Variants in IMPG2 observed in about 807,000 individuals in gnomAD.
IMPG2 encodes the protein interphotoreceptor matrix proteoglycan 2.
A neutral mutation model predicts 129.2 loss-of-function variants in IMPG2; 91 were observed. That is an observed-to-expected ratio of 0.70 (90% CI 0.59 to 0.84). The LOEUF is 0.84. Ranked by LOEUF, IMPG2 falls within the 40% of genes least tolerant of loss-of-function variation. The probability of loss-of-function intolerance (pLI) is 0.00; values close to 1 mark genes in which losing one functional copy is unlikely to be tolerated. For synonymous variants in IMPG2, 510 were observed against 517.7 expected, an observed-to-expected ratio of 0.99 and a Z score of 0.20; for missense variants, 1,430 against 1,461.7, an observed-to-expected ratio of 0.98 and a Z score of 0.35.
chr3:101,253,396 A>C (rs1706565295), intron 11 of IMPG2, among the ~76,000 whole-genome samples: 1 of 152,132 alleles, frequency 6.6e-6, no homozygotes, highest in Non-Finnish European at 1.5e-5. Context: ...CTCAGAGAAC[A>C]ATCAGTGGGC....
In IMPG2 at chr3:101,243,702, T is replaced by A. The variant is rs1271049751; in HGVS notation, c.2629A>T (p.Met877Leu). The change falls in exon 13 of 19, where the codon ATG (methionine) becomes TTG (leucine). Residue 877 changes from methionine (M) to leucine (L), a missense_variant. Physicochemically the swap from Met to Leu is conservative, Grantham distance 15 (BLOSUM62 2). Coordinates refer to ENST00000193391, the MANE Select transcript of IMPG2 (RefSeq NM_016247.4). The part of the protein sequence containing the change: ...EMSTSVHSTE[M>L]VSVAWPTEGG... ...TCTGTGGGCCAAGCCACACTAACCA[T>A]CTCTGTGGAGTGAACACTTGTTGAC... The A allele has an allele frequency of 2.5e-6, 4 of 1,613,968 alleles. No homozygotes were observed. The highest frequency in any genetic ancestry group is 2.5e-6 in the Non-Finnish European group (3 of 1,180,010).
chr3:101,311,961 A>G (rs1707266697), intron 2 of IMPG2, among the ~76,000 whole-genome samples: 1 of 152,144 alleles, frequency 6.6e-6, no homozygotes, highest in Non-Finnish European at 1.5e-5. Flanking sequence ...CTTTTCGACA[A>G]ATGGTGCTTG....
At chr3:101,240,282 T>A (rs1416161644) in intron 14 of IMPG2, among the ~76,000 whole-genome samples, 2 of 152,030 alleles carry the variant, frequency 1.3e-5, no homozygotes, top group African/African-American at 4.8e-5. Context: ...AGTGCCCAGC[T>A]AATTTTTCAG....
At chr3:101,284,870 A>G (rs1706928760) in intron 4 of IMPG2, among the ~76,000 whole-genome samples, 1 of 152,156 alleles carries the variant, frequency 6.6e-6, no homozygotes, top group Non-Finnish European at 1.5e-5. Flanking sequence ...TTTTAAAGAA[A>G]CAAAACTGTA....
chr3:101,278,231 C>T (rs993372748), intron 4 of IMPG2, among the ~76,000 whole-genome samples: 1 of 152,086 alleles, frequency 6.6e-6, no homozygotes, highest in Non-Finnish European at 1.5e-5. Context: ...GAAGACTCTG[C>T]CTCTAAATAA....
chr3:101,245,975 T>G lies in IMPG2; in HGVS notation c.1370A>C (p.Asp457Ala). ...GGCTAATTTGTGTGTAGACACTAAA[T>G]CACCCAAAGGACTTTCTGACCAGAG... ...RELWSESPLG[D>A]LVSTHKLAFP... The change falls in exon 12 of 19, where the codon GAT becomes GCT. Residue 457 changes from aspartate to alanine, a missense_variant. Transcript: ENST00000193391. 6.2e-7 allele frequency: 1 copy of G among 1,614,178 alleles called. No homozygotes were observed. Among genetic ancestry groups the G allele is most frequent in the Non-Finnish European group, 8.5e-7 (1 of 1,180,018 alleles).
intron 11 of IMPG2, among the ~76,000 whole-genome samples, chr3:101,250,763 C>A (rs1706534748): frequency 6.6e-6 from 1 of 152,164 alleles, no homozygotes; most frequent in East Asian, 1.9e-4. Flanking sequence ...GTTTATAAGA[C>A]CCAGGTCAAC....
In IMPG2 at chr3:101,232,829, A is replaced by G. The variant is rs756822911; in HGVS notation, c.3185T>C (p.Leu1062Ser). Residue 1062 changes from leucine to serine, a missense_variant, in exon 15 of 19, where the codon TTG becomes TCG. By Grantham distance (145) the Leu-to-Ser change is moderately radical. Transcript: ENST00000193391. ...SLCDLQPDFCLNDGKCDIMPG... is the reference protein window; with the variant it reads ...SLCDLQPDFCSNDGKCDIMPG... ...CATAATGTCACACTTTCCATCATTC[A>G]AGCAGAAGTCAGGCTGTAGGTCACA... 6 of 1,613,616 alleles carry G rather than the reference A, an allele frequency of 3.7e-6. No homozygotes were observed. In the Admixed American group the frequency reaches 8.3e-5, roughly 22 times the overall value.
chr3:101,262,461 T>C (rs889345562), intron 9 of IMPG2, among the ~76,000 whole-genome samples: 1 of 152,034 alleles, frequency 6.6e-6, no homozygotes, highest in Non-Finnish European at 1.5e-5. Flanking sequence ...AAGTTACAAA[T>C]AAATTTTATC....
At chr3:101,319,922 T>A in intron 1 of IMPG2, 90 bp from the exon 2 acceptor site, 2 of 1,391,952 alleles carry the variant, frequency 1.4e-6, no homozygotes, top group Non-Finnish European at 2.0e-6. Flanking sequence ...TGGGCTACAT[T>A]AAGATAGAGA....
intron 2 of IMPG2, among the ~76,000 whole-genome samples, chr3:101,304,912 G>A (rs1321561138): frequency 1.3e-5 from 2 of 150,262 alleles, no homozygotes; most frequent in East Asian, 1.9e-4. Flanking sequence ...GAAGCAGAAA[G>A]TACTACATAA....
chr3:101,245,955 A>T lies in IMPG2; in HGVS notation c.1390T>A (p.Leu464Ile). 1 of 1,614,184 alleles carries T rather than the reference A, an allele frequency of 6.2e-7. No individual in the cohort carries two copies. Among genetic ancestry groups the T allele is most frequent in the Non-Finnish European group, 8.5e-7 (1 of 1,180,026 alleles). ...AGGCCCATCTTCGAGGGAAAGGCTA[A>T]TTTGTGTGTAGACACTAAATCACCC... ...PLGDLVSTHK[L>I]AFPSKMGLSS... Residue 464 changes from leucine (L) to isoleucine (I), a missense_variant, in exon 12 of 19, where the codon TTA (leucine) becomes ATA (isoleucine). Physicochemically the swap from Leu to Ile is conservative, Grantham distance 5. Coordinates refer to ENST00000193391, the MANE Select transcript of IMPG2 (RefSeq NM_016247.4).
chr3:101,287,374 G>A (rs1396564439), intron 4 of IMPG2, among the ~76,000 whole-genome samples: 1 of 152,016 alleles, frequency 6.6e-6, no homozygotes, highest in Non-Finnish European at 1.5e-5. Flanking sequence ...ATTCTTCACA[G>A]AATTAGAAAA....
chr3:101,319,373 T>A (rs560444028), intron 2 of IMPG2, among the ~76,000 whole-genome samples: 1 of 152,274 alleles, frequency 6.6e-6, no homozygotes, highest in East Asian at 1.9e-4. Context: ...TTGCCTTAAC[T>A]GGAGGGCACT....
chr3:101,317,691 C>T (rs1295919578), intron 2 of IMPG2, among the ~76,000 whole-genome samples: 3 of 152,124 alleles, frequency 2.0e-5, no homozygotes, highest in Non-Finnish European at 2.9e-5. Context: ...ACCATCTTAG[C>T]TGTATGAGAT....
rs369037672 is a variant in IMPG2 at position 101,237,799 on chromosome 3, G to A, written c.3023-4808C>T. ...CAAAAAGGCTGAAAATTCCAAAAAC[G>A]AGAATGCCTCTTCTTCCACAAAGAA... On this transcript the variant is annotated intron_variant, in intron 14 of 18. Transcript: ENST00000193391. Among the ~76,000 whole-genome samples, 41 of 152,076 alleles carry A rather than the reference G, an allele frequency of 2.7e-4. No individual in the cohort carries two copies. The South Asian group carries it at 4.6e-3, about 17-fold the overall frequency.
At position 101,276,323 on chromosome 3, in the gene IMPG2, C is replaced by T. The variant is rs112316337; in HGVS notation, c.583+341G>A. Among the ~76,000 whole-genome samples the T allele has an allele frequency of 7.2e-5, 11 of 152,204 alleles. 1 individual carries two copies. Among genetic ancestry groups the T allele is most frequent in the Middle Eastern group, 3.4e-3 (1 of 294 alleles). ...CTTACTCTGGGAACCTCTCATGGGA[C>T]GAATGACAAATGGTGGCGTTAGAAT... On this transcript the variant is annotated intron_variant, in intron 5 of 18. Coordinates refer to ENST00000193391, the MANE Select transcript of IMPG2 (RefSeq NM_016247.4).
intron 2 of IMPG2, among the ~76,000 whole-genome samples, chr3:101,318,884 G>T (rs1262346211): frequency 6.6e-6 from 1 of 152,040 alleles, no homozygotes; most frequent in Non-Finnish European, 1.5e-5. Flanking sequence ...AAAAGTATGA[G>T]ATCAAGAATA....
rs1181412516 is a variant in IMPG2, at chr3:101,244,051, G to C, written c.2280C>G (p.Asp760Glu). 1.2e-6 allele frequency: 2 copies of C among 1,613,876 alleles called. No homozygotes were observed. The highest frequency in any genetic ancestry group is 1.7e-6 in the Non-Finnish European group (2 of 1,180,028). Reference protein sequence around the residue: ...ITESSNYEWFDSEVSMVKPDM... With the variant: ...ITESSNYEWFESEVSMVKPDM... ...CTGGCTTTACCATTGAAACCTCACTGTCAAACCATTCATAGTTGGATGACT... is the reference window on the plus strand; with the variant it reads ...CTGGCTTTACCATTGAAACCTCACTCTCAAACCATTCATAGTTGGATGACT... Residue 760 changes from aspartate (D) to glutamate (E), a missense_variant, in exon 13 of 19, where the codon GAC (aspartate) becomes GAG (glutamate). By Grantham distance (45) the Asp-to-Glu change is conservative. Transcript: ENST00000193391.
Sources: gnomAD v4.1 joint callset for allele counts (sites outside exome capture counted in the v4.1 genomes callset) on GRCh38, gnomAD v4.1.1 for gene constraint, MANE v1.5 for transcripts, NCBI Gene and HGNC (gene_info 2026-07-23, HGNC 2026-07-21) for gene names.